The following SCMH1 variants were observed in gnomAD, a reference collection of about 807,000 sequenced individuals.
SCMH1 encodes the protein Scm polycomb group protein homolog 1, also known as polycomb protein SCMH1.
In SCMH1, 37 loss-of-function variants were observed where a neutral mutation model predicts 70.8. The observed-to-expected ratio is 0.52, with a 90% CI of 0.40 to 0.69. The LOEUF (loss-of-function observed/expected upper bound fraction) is 0.69. Among genes scored for constraint, SCMH1 ranks in the 30% least tolerant of loss-of-function variants. The probability of loss-of-function intolerance (pLI) is 0.00; values close to 1 mark genes in which losing one functional copy is unlikely to be tolerated. For missense variants in SCMH1, 607 were observed against 827.3 expected (o/e 0.73, Z 3.27); for synonymous variants, 292 against 307.4 (o/e 0.95, Z 0.52).
At chr1:41,043,292 C>A (rs1255155511) in intron 12 of SCMH1, 1 of 152,070 alleles carries the variant, frequency 6.6e-6, no homozygotes, top group African/African-American at 2.4e-5. Context: ...TAGGATTTCA[C>A]CATGTTGGCC....
At chr1:41,137,755 C>CT in intron 6 of SCMH1, among the ~76,000 whole-genome samples, 1 of 152,292 alleles carries the variant, frequency 6.6e-6, no homozygotes, top group East Asian at 1.9e-4. Context: ...AGCCCTATAC[C>CT]TCAGCCCTCA....
intron 4 of SCMH1, chr1:41,152,876 A>G: frequency 2.4e-6 from 2 of 828,878 alleles, no homozygotes; most frequent in Non-Finnish European, 3.6e-6. Context: ...ACTAAGCCAA[A>G]TAGATTTGGC....
chr1:41,079,547 T>C (rs908135766), intron 8 of SCMH1, among the ~76,000 whole-genome samples: 2 of 152,050 alleles, frequency 1.3e-5, no homozygotes, highest in African/African-American at 4.8e-5. Context: ...CTAATAAATA[T>C]AGAATACGCA....
chr1:41,209,041 AG>A (rs2148782150), intron 1 of SCMH1, among the ~76,000 whole-genome samples: 1 of 152,356 alleles, frequency 6.6e-6, no homozygotes, highest in East Asian at 1.9e-4. Context: ...AAAATGATAA[AG>A]GGGATATCAC....
chr1:41,163,025 T>C (rs956927042), intron 2 of SCMH1: 3 of 152,252 alleles, frequency 2.0e-5, no homozygotes, highest in African/African-American at 7.2e-5. Flanking sequence ...TTGCTGCAGT[T>C]TGGGCAAAGA....
chr1:41,133,716 A>G (rs1642777605), intron 6 of SCMH1, among the ~76,000 whole-genome samples: 1 of 152,100 alleles, frequency 6.6e-6, no homozygotes, highest in Non-Finnish European at 1.5e-5. Context: ...GGACACATAC[A>G]CTCTCCCAAG....
At chr1:41,057,572 G>A (rs879765014) in intron 10 of SCMH1, among the ~76,000 whole-genome samples, 14 of 151,938 alleles carry the variant, frequency 9.2e-5, no homozygotes, top group African/African-American at 2.7e-4. Flanking sequence ...CTTTTACCCA[G>A]TACATCATGT....
intron 1 of SCMH1, among the ~76,000 whole-genome samples, chr1:41,200,098 G>C (rs7545858): frequency 0.013 from 1,959 of 152,260 alleles, 40 homozygotes; most frequent in African/African-American, 0.045. Context: ...CTGGCTTTCA[G>C]ATCTTTTTTG....
intron 13 of SCMH1, among the ~76,000 whole-genome samples, chr1:41,036,697 CTTT>C (rs1645345618): frequency 6.6e-6 from 1 of 152,174 alleles, no homozygotes; most frequent in Admixed American, 6.6e-5. Context: ...CCTTTCCAGG[CTTT>C]TCTCTTTGAG....
intron 2 of SCMH1, among the ~76,000 whole-genome samples, chr1:41,172,186 A>C (rs1439900933): frequency 9.9e-6 from 1 of 101,246 alleles, no homozygotes; most frequent in Non-Finnish European, 2.5e-5. Flanking sequence ...CTCCATCTCA[A>C]AAAAAAAAAA....
chr1:41,053,766 G>C (rs892010608), intron 10 of SCMH1, among the ~76,000 whole-genome samples: 2 of 152,204 alleles, frequency 1.3e-5, no homozygotes, highest in African/African-American at 4.8e-5. Context: ...GAAGCATAAA[G>C]GACCACACAG....
At chr1:41,063,190 C>T (rs939479607) in intron 10 of SCMH1, among the ~76,000 whole-genome samples, 21 of 151,566 alleles carry the variant, frequency 1.4e-4, no homozygotes, top group African/African-American at 4.8e-4. Flanking sequence ...ATAGAGGAAA[C>T]AGGCCAGGCG....
chr1:41,082,234 A>G (rs1450627366), intron 8 of SCMH1, among the ~76,000 whole-genome samples: 5 of 152,142 alleles, frequency 3.3e-5, no homozygotes, highest in Non-Finnish European at 7.4e-5. Flanking sequence ...TAAGAAAATG[A>G]AAAAAAGCAA....
At chr1:41,213,613 C>T (rs768083916) in intron 1 of SCMH1, among the ~76,000 whole-genome samples, 6 of 152,076 alleles carry the variant, frequency 3.9e-5, no homozygotes, top group Non-Finnish European at 8.8e-5. Flanking sequence ...GTCTAAATTA[C>T]CCCCCATTTA....
At chr1:41,138,178 T>A (rs1394155827) in intron 6 of SCMH1, among the ~76,000 whole-genome samples, 1 of 152,224 alleles carries the variant, frequency 6.6e-6, no homozygotes, top group Non-Finnish European at 1.5e-5. Context: ...CTTGACTTTC[T>A]TTACCTTGTA....
At chr1:41,155,870 A>G (rs1200643479) in intron 4 of SCMH1, among the ~76,000 whole-genome samples, 1 of 151,078 alleles carries the variant, frequency 6.6e-6, no homozygotes, top group African/African-American at 2.4e-5. Flanking sequence ...CTATAATCCC[A>G]GCTACTTGGG....
At chr1:41,182,975 T>C (rs1397606945) in intron 2 of SCMH1, among the ~76,000 whole-genome samples, 1 of 152,214 alleles carries the variant, frequency 6.6e-6, no homozygotes, top group African/African-American at 2.4e-5. Flanking sequence ...TAGTCACCTA[T>C]CATTTTTTCA....
chr1:41,088,300 T>C (rs1250211767), intron 8 of SCMH1, among the ~76,000 whole-genome samples: 1 of 152,092 alleles, frequency 6.6e-6, no homozygotes, highest in South Asian at 2.1e-4. Context: ...AGGAATAAGG[T>C]AGAAGAGAAA....
At chr1:41,121,455 G>C (rs181351196) in intron 6 of SCMH1, among the ~76,000 whole-genome samples, 7 of 152,296 alleles carry the variant, frequency 4.6e-5, no homozygotes, top group East Asian at 1.9e-4. Context: ...TTGTGAAAGA[G>C]AGAAAAGAAG....
Sources: allele counts gnomAD v4.1 joint callset (sites outside exome capture counted in the v4.1 genomes callset), GRCh38; gene constraint gnomAD v4.1.1; transcripts MANE v1.5; gene names NCBI Gene and HGNC (gene_info 2026-07-23, HGNC 2026-07-21).